KHDRBS1: variants seen among roughly 807,000 people sequenced by gnomAD.
KHDRBS1 encodes the protein KH RNA binding domain containing, signal transduction associated 1, also known as KH domain-containing, RNA-binding, signal transduction-associated protein 1.
A neutral mutation model predicts 48.4 loss-of-function variants in KHDRBS1; 7 were observed. The ratio of observed to expected loss-of-function variants is 0.14; its 90% confidence interval spans 0.08 to 0.27. The LOEUF (loss-of-function observed/expected upper bound fraction) is 0.27, where lower values mean the gene tolerates loss of function less well. Among genes scored for constraint, KHDRBS1 ranks in the 10% least tolerant of loss-of-function variants. The probability of loss-of-function intolerance (pLI) is 1.00; values close to 1 mark genes in which losing one functional copy is unlikely to be tolerated. For synonymous variants in KHDRBS1, 241 were observed against 235.8 expected (o/e 1.02, Z -0.20); for missense variants, 458 against 601.2 (o/e 0.76, Z 2.49).
chr1:32,050,194 G>A (rs949022202), intron 10 of KHDRBS1, among the ~76,000 whole-genome samples: 1 of 152,118 alleles, frequency 6.6e-6, no homozygotes, highest in African/African-American at 2.4e-5. Flanking sequence ...TATATCTTCT[G>A]TGGAAAAATG....
intron 4 of KHDRBS1, among the ~76,000 whole-genome samples, chr1:32,035,854 T>C (rs1639166955): frequency 6.6e-6 from 1 of 152,228 alleles, no homozygotes. Context: ...TAGGGAATTA[T>C]GTGGTACTTT....
At chr1:32,045,967 G>A (rs143202408), downstream of KHDRBS1, among the ~76,000 whole-genome samples, 1 of 152,132 alleles carries the variant, frequency 6.6e-6, no homozygotes, top group South Asian at 2.1e-4. Context: ...AAAGGCAGTT[G>A]GTGAGTTGTT....
chr1:32,057,002 C>T (rs1488518653), intron 10 of KHDRBS1, among the ~76,000 whole-genome samples: 1 of 152,030 alleles, frequency 6.6e-6, no homozygotes, highest in Non-Finnish European at 1.5e-5. Flanking sequence ...AAGAAAAGAA[C>T]AGGGTGCAAT....
chr1:32,039,505 TG>T lies in KHDRBS1; in HGVS notation c.1176-8del. The T allele has an allele frequency of 7.4e-7, 1 of 1,347,604 alleles. No homozygotes were observed. The highest frequency in any genetic ancestry group is 1.1e-6 in the Non-Finnish European group (1 of 936,928). The allele number at this position is 1,347,604 out of a possible 1,614,324, so 83.5% of individuals were successfully genotyped here. A position where few individuals can be genotyped will look rare whatever the true frequency, so the allele number is the denominator to read the frequency against. On this transcript the variant is annotated splice_polypyrimidine_tract_variant and intron_variant, in intron 7 of 8. Coordinates refer to ENST00000327300, the MANE Select transcript of KHDRBS1 (RefSeq NM_006559.3). ...CTGTAGCTTCCTAACACTCTGCCTT[TG>T]GCTTTCAGGGACTCAGAATATTATG...
At chr1:32,015,758 ATATAT>A (rs780469084) in intron 1 of KHDRBS1, among the ~76,000 whole-genome samples, 2 of 152,302 alleles carry the variant, frequency 1.3e-5, no homozygotes, top group Non-Finnish European at 2.9e-5. Flanking sequence ...ATAAGTGTTA[ATATAT>A]GTTGAGCCTG....
intron 4 of KHDRBS1, among the ~76,000 whole-genome samples, chr1:32,033,769 A>G (rs1173137951): frequency 6.6e-6 from 1 of 152,202 alleles, no homozygotes; most frequent in East Asian, 1.9e-4. Flanking sequence ...AGCTTATAGC[A>G]TCTAGTGTTA....
Position 32,042,709 on chromosome 1 carries a change from A to T in KHDRBS1, c.*85A>T. ...TCCCAGGATTCCTGTTGCTTTACCC[A>T]CAACAGACAAGTAATTGTCTAAGTG... On this transcript the variant is annotated 3_prime_UTR_variant, in exon 9 of 9. Coordinates refer to ENST00000327300, the MANE Select transcript of KHDRBS1 (RefSeq NM_006559.3). 1.2e-6 allele frequency: 1 copy of T among 807,248 alleles called. No homozygotes were observed. Among genetic ancestry groups the T allele is most frequent in the South Asian group, 1.5e-5 (1 of 68,462 alleles). The allele number at this position is 807,248 out of a possible 1,614,324, so 50.0% of individuals were successfully genotyped here. A position where few individuals can be genotyped will look rare whatever the true frequency, so the allele number is the denominator to read the frequency against.
intron 4 of KHDRBS1, among the ~76,000 whole-genome samples, chr1:32,036,524 G>A (rs896998003): frequency 6.6e-6 from 1 of 152,152 alleles, no homozygotes; most frequent in African/African-American, 2.4e-5. Context: ...ATAGAGCCAA[G>A]TGCATACAGC....
intron 1 of KHDRBS1, among the ~76,000 whole-genome samples, chr1:32,014,971 A>T (rs1414645356): frequency 6.6e-6 from 1 of 152,178 alleles, no homozygotes; most frequent in Non-Finnish European, 1.5e-5. Flanking sequence ...AGGTTTCCGA[A>T]TCAGATTTCC....
At chr1:32,041,999 C>T (rs1484440087) in intron 8 of KHDRBS1, among the ~76,000 whole-genome samples, 1 of 152,144 alleles carries the variant, frequency 6.6e-6, no homozygotes. Flanking sequence ...GTGGCCCTTG[C>T]TTGGTTTTCC....
chr1:32,020,798 G>A (rs1638842716), intron 1 of KHDRBS1, among the ~76,000 whole-genome samples: 1 of 152,126 alleles, frequency 6.6e-6, no homozygotes, highest in Admixed American at 6.5e-5. Flanking sequence ...CCAGTGGTGA[G>A]AGATGAGGGA....
At chr1:32,054,793 C>T (rs1463700511) in intron 10 of KHDRBS1, among the ~76,000 whole-genome samples, 1 of 152,118 alleles carries the variant, frequency 6.6e-6, no homozygotes, top group East Asian at 1.9e-4. Flanking sequence ...TTTTTAAGCT[C>T]ATCGGCTGTC....
At chr1:32,032,445 T>C (rs906771700) in intron 3 of KHDRBS1, among the ~76,000 whole-genome samples, 1 of 152,182 alleles carries the variant, frequency 6.6e-6, no homozygotes, top group Admixed American at 6.5e-5. Context: ...ACTTCTTTCT[T>C]CCCCTACCAC....
At chr1:32,058,931 C>T (rs1233176731) in intron 10 of KHDRBS1, among the ~76,000 whole-genome samples, 2 of 152,066 alleles carry the variant, frequency 1.3e-5, no homozygotes, top group East Asian at 1.9e-4. Flanking sequence ...CCGAGGTGGG[C>T]GGATCACCTG....
At chr1:32,021,992 G>A (rs916509535) in intron 1 of KHDRBS1, among the ~76,000 whole-genome samples, 3 of 144,968 alleles carry the variant, frequency 2.1e-5, no homozygotes, top group Non-Finnish European at 3.0e-5. Flanking sequence ...ATGGAGTCTT[G>A]CTCTGTCACC....
downstream of KHDRBS1, among the ~76,000 whole-genome samples, chr1:32,048,668 C>T (rs761741399): frequency 8.5e-5 from 13 of 152,186 alleles, no homozygotes; most frequent in East Asian, 1.9e-4. Flanking sequence ...GCAAAGAAGT[C>T]TAGAGTTTTG....
chr1:32,035,128 G>A (rs1639151573), intron 4 of KHDRBS1, among the ~76,000 whole-genome samples: 1 of 152,000 alleles, frequency 6.6e-6, no homozygotes, highest in South Asian at 2.1e-4. Flanking sequence ...ATTTCCAAAG[G>A]ACTGCAGAGG....
intron 6 of KHDRBS1, 110 bp from the exon 7 acceptor site, chr1:32,038,442 G>A: frequency 1.9e-6 from 2 of 1,067,474 alleles, no homozygotes; most frequent in Non-Finnish European, 1.4e-6. Context: ...GGAGGGAAAT[G>A]TCATGTCCTT....
intron 1 of KHDRBS1, among the ~76,000 whole-genome samples, chr1:32,019,540 A>AG (rs1638814333): frequency 2.0e-5 from 3 of 152,080 alleles, no homozygotes; most frequent in African/African-American, 7.3e-5. Flanking sequence ...AAAAAAAAAC[A>AG]AAAAGAAAGA....
Sources: gnomAD v4.1 joint callset for allele counts (sites outside exome capture counted in the v4.1 genomes callset) on GRCh38, gnomAD v4.1.1 for gene constraint, MANE v1.5 for transcripts, NCBI Gene and HGNC (gene_info 2026-07-23, HGNC 2026-07-21) for gene names.